The following STARD13 variants were observed in gnomAD, a reference collection of about 807,000 sequenced individuals.
STARD13 encodes the protein stAR-related lipid transfer protein 13.
A neutral mutation model predicts 106.4 loss-of-function variants in STARD13; 62 were observed. The observed-to-expected ratio is 0.58, with a 90% CI of 0.48 to 0.72. The LOEUF is 0.72. Among genes scored for constraint, STARD13 ranks in the 30% least tolerant of loss-of-function variants. STARD13 has a pLI of 0.00. For synonymous variants in STARD13, 565 were observed against 553.0 expected (o/e 1.02, Z -0.31); for missense variants, 1,387 against 1,424.0 (o/e 0.97, Z 0.42).
the STARD13 span, among the ~76,000 whole-genome samples, chr13:33,434,425 C>T: frequency 1.4e-5 from 2 of 147,124 alleles, no homozygotes; most frequent in Non-Finnish European, 3.0e-5. Context: ...CCAACTTATA[C>T]ACTTATTGAG....
the STARD13 span, among the ~76,000 whole-genome samples, chr13:33,444,976 A>G: frequency 6.6e-6 from 1 of 152,132 alleles, no homozygotes; most frequent in Non-Finnish European, 1.5e-5. Flanking sequence ...AAACAAATGT[A>G]CCCAGTAATG....
At chr13:33,245,585 A>C (rs1033329990) in intron 1 of STARD13, among the ~76,000 whole-genome samples, 2 of 152,212 alleles carry the variant, frequency 1.3e-5, no homozygotes, top group African/African-American at 4.8e-5. Flanking sequence ...TTTTATGGCA[A>C]ACTAATTGAA....
chr13:33,477,799 A>G, the STARD13 span, among the ~76,000 whole-genome samples: 1 of 150,950 alleles, frequency 6.6e-6, no homozygotes, highest in Non-Finnish European at 1.5e-5. Context: ...ATCCAATAGA[A>G]TTTATGTTTA....
chr13:33,607,015 T>A, the STARD13 span, among the ~76,000 whole-genome samples: 1 of 152,184 alleles, frequency 6.6e-6, no homozygotes, highest in Non-Finnish European at 1.5e-5. Flanking sequence ...TTAATTCATC[T>A]GCTACCTTCA....
intron 1 of STARD13, among the ~76,000 whole-genome samples, chr13:33,255,124 G>C (rs1044331770): frequency 6.6e-6 from 1 of 151,614 alleles, no homozygotes; most frequent in African/African-American, 2.4e-5. Context: ...GGCTTGATCA[G>C]GTTCAGAGAC....
chr13:33,542,545 C>T, the STARD13 span, among the ~76,000 whole-genome samples: 1 of 152,246 alleles, frequency 6.6e-6, no homozygotes, highest in African/African-American at 2.4e-5. Context: ...TGCGCAAGCG[C>T]ACGGCGAGAC....
chr13:33,427,032 A>T, the STARD13 span, among the ~76,000 whole-genome samples: 1 of 152,248 alleles, frequency 6.6e-6, no homozygotes. Context: ...CTCTGTATAG[A>T]ACTAATTATT....
At chr13:33,621,031 A>G in the STARD13 span, among the ~76,000 whole-genome samples, 1 of 151,908 alleles carries the variant, frequency 6.6e-6, no homozygotes, top group East Asian at 1.9e-4. Context: ...TGTTTATATT[A>G]GAAAAAAGAT....
At chr13:33,553,212 A>G in the STARD13 span, among the ~76,000 whole-genome samples, 1 of 152,228 alleles carries the variant, frequency 6.6e-6, no homozygotes, top group African/African-American at 2.4e-5. Context: ...TGAGGCAAAT[A>G]TGAATTCCAG....
At chr13:33,611,784 G>T in the STARD13 span, among the ~76,000 whole-genome samples, 3 of 152,202 alleles carry the variant, frequency 2.0e-5, no homozygotes, top group African/African-American at 7.2e-5. Flanking sequence ...TAACTGAGTT[G>T]ATCAGTGTCC....
At chr13:33,628,583 T>C in the STARD13 span, among the ~76,000 whole-genome samples, 1 of 152,186 alleles carries the variant, frequency 6.6e-6, no homozygotes, top group Non-Finnish European at 1.5e-5. Flanking sequence ...AGAGACACCT[T>C]AGAGAAATCA....
At chr13:33,349,072 TAAGG>T in exon 2 of STARD13, 2 of 700,662 alleles carry the variant, frequency 2.9e-6, no homozygotes, top group Non-Finnish European at 5.2e-6. Context: ...ACAGTTCAAG[TAAGG>T]AAAAAAGGGA....
intron 1 of STARD13, among the ~76,000 whole-genome samples, chr13:33,323,478 G>A (rs918757618): frequency 6.6e-6 from 1 of 152,120 alleles, no homozygotes; most frequent in South Asian, 2.1e-4. Flanking sequence ...TGTCACATAA[G>A]TGTGATCTAC....
the STARD13 span, among the ~76,000 whole-genome samples, chr13:33,555,895 C>A: frequency 6.6e-6 from 1 of 152,250 alleles, no homozygotes; most frequent in East Asian, 1.9e-4. Context: ...TATAGTCTGA[C>A]CCATTTTTAT....
intron 1 of STARD13, among the ~76,000 whole-genome samples, chr13:33,259,765 T>G (rs1017944263): frequency 3.9e-5 from 6 of 152,202 alleles, no homozygotes; most frequent in Non-Finnish European, 7.3e-5. Context: ...TATCTATTTA[T>G]GCAGGCACTT....
rs140321214 is a variant in STARD13 at position 33,253,928 on chromosome 13, G to C, written c.169+31542C>G. On this transcript the variant is annotated intron_variant, in intron 1 of 13. Coordinates refer to ENST00000336934, the MANE Select transcript of STARD13 (RefSeq NM_178006.4). ...TTTCAACAGGCCTGCCACAGACCAT[G>C]GGGGAACACCCTGTCCAGGTGTGCT... is the stretch of plus-strand genomic sequence containing the variant. Among the ~76,000 whole-genome samples, 615 of 152,336 alleles carry C rather than the reference G, an allele frequency of 4.0e-3. 4 individuals are homozygous for C. The highest frequency in any genetic ancestry group is 0.014 in the African/African-American group (582 of 41,570).
chr13:33,106,353 G>A (rs1873704772), intron 13 of STARD13, among the ~76,000 whole-genome samples: 1 of 152,138 alleles, frequency 6.6e-6, no homozygotes, highest in Admixed American at 6.5e-5. Flanking sequence ...CCCAGGAGGT[G>A]GAGGTTGCAG....
At chr13:33,301,403 T>G (rs1342219488) in intron 1 of STARD13, among the ~76,000 whole-genome samples, 1 of 152,208 alleles carries the variant, frequency 6.6e-6, no homozygotes, top group East Asian at 1.9e-4. Flanking sequence ...CTTTCTGTCC[T>G]AATTAATGAT....
intron 7 of STARD13, 65 bp downstream of exon 7, chr13:33,126,016 C>A (rs1212690179): frequency 1.3e-6 from 2 of 1,574,490 alleles, no homozygotes; most frequent in Non-Finnish European, 1.7e-6. Flanking sequence ...CTCAGTCTGA[C>A]ATCCCCTCAA....
Sources: allele counts gnomAD v4.1 joint callset (sites outside exome capture counted in the v4.1 genomes callset), GRCh38; gene constraint gnomAD v4.1.1; transcripts MANE v1.5; gene names NCBI Gene and HGNC (gene_info 2026-07-23, HGNC 2026-07-21).